KCTD19: variants seen among roughly 807,000 people sequenced by gnomAD.
KCTD19 encodes BTB/POZ domain-containing protein KCTD19.
KCTD19 carries 67 observed loss-of-function variants against 103.5 expected under a neutral mutation model. That is an observed-to-expected ratio of 0.65 (90% CI 0.53 to 0.79). The LOEUF is 0.79. KCTD19 is among the 30% of genes least tolerant of loss of function. KCTD19 has a pLI of 0.00. For missense variants in KCTD19, 980 were observed against 1,136.1 expected, an observed-to-expected ratio of 0.86 and a Z score of 1.98; for synonymous variants, 439 against 452.2, an observed-to-expected ratio of 0.97 and a Z score of 0.37.
intron 10 of KCTD19, 75 bp downstream of exon 10, chr16:67,294,898 G>T: frequency 8.2e-7 from 1 of 1,226,634 alleles, no homozygotes. Flanking sequence ...TCTAGGAGTA[G>T]GACTTAGGAC....
chr16:67,310,971 C>T (rs987939130), intron 2 of KCTD19, among the ~76,000 whole-genome samples: 4 of 152,188 alleles, frequency 2.6e-5, no homozygotes, highest in African/African-American at 2.4e-5. Context: ...ACGCAGCTTT[C>T]GGCATTTAAA....
At chr16:67,326,492 C>A in intron 1 of KCTD19, 1 of 568,826 alleles carries the variant, frequency 1.8e-6, no homozygotes, top group Non-Finnish European at 2.9e-6. Flanking sequence ...GAGTCCCCCA[C>A]ATCCTCAGAG....
chr16:67,308,313 C>T (rs779360916), intron 2 of KCTD19, among the ~76,000 whole-genome samples: 18 of 151,776 alleles, frequency 1.2e-4, no homozygotes, highest in African/African-American at 1.7e-4. Flanking sequence ...CACAGCTGTG[C>T]GCCGCAACAC....
intron 11 of KCTD19, 35 bp from the exon 12 acceptor site, chr16:67,294,206 T>A (rs1047238711): frequency 6.3e-7 from 1 of 1,576,734 alleles, no homozygotes; most frequent in South Asian, 1.1e-5. Flanking sequence ...TCTGGATAGG[T>A]TGGGCATGGA....
At chr16:67,299,752 C>G (rs191600780) in intron 5 of KCTD19, 179 bp from the exon 6 acceptor site, 2 of 592,886 alleles carry the variant, frequency 3.4e-6, no homozygotes. Context: ...TTTGTATACT[C>G]AGGCTTAGAA....
intron 1 of KCTD19, among the ~76,000 whole-genome samples, chr16:67,322,830 T>C (rs1340029212): frequency 6.6e-6 from 1 of 152,186 alleles, no homozygotes; most frequent in Non-Finnish European, 1.5e-5. Flanking sequence ...GAACTTGTTT[T>C]TAGAATATAT....
Position 67,295,320 on chromosome 16 carries a change from A to G in KCTD19, c.1334T>C (p.Phe445Ser), listed in dbSNP as rs1204758777. The G allele has an allele frequency of 1.2e-6, 2 of 1,614,082 alleles. No individual in the cohort carries two copies. The highest frequency in any genetic ancestry group is 1.3e-5 in the African/African-American group (1 of 74,924). Residue 445 changes from phenylalanine (F) to serine (S), a missense_variant, in exon 9 of 16, where the codon TTC (phenylalanine) becomes TCC (serine). Phe to Ser is a radical substitution (Grantham distance 155). Coordinates refer to ENST00000304372, the MANE Select transcript of KCTD19 (RefSeq NM_001100915.3). ...TLLIHGDGQM[F>S]RHILNFLRLG... ...TCTCAGGAAGTTGAGAATGTGTCGGAACATCTGGCCATCCCCGTGGATGAG... is the reference window on the plus strand; with the variant it reads ...TCTCAGGAAGTTGAGAATGTGTCGGGACATCTGGCCATCCCCGTGGATGAG...
chr16:67,302,873 C>T, intron 4 of KCTD19: 2 of 445,814 alleles, frequency 4.5e-6, no homozygotes, highest in Non-Finnish European at 8.0e-6. Flanking sequence ...TTCACACCAA[C>T]TCCTGTGGTC....
chr16:67,318,038 T>G (rs2037031105), intron 2 of KCTD19, among the ~76,000 whole-genome samples: 2 of 152,226 alleles, frequency 1.3e-5, no homozygotes, highest in African/African-American at 4.8e-5. Context: ...TGACTGTTGG[T>G]TCCCAGCTGT....
intron 9 of KCTD19, 27 bp downstream of exon 9, chr16:67,295,236 A>C: frequency 6.2e-7 from 1 of 1,611,848 alleles, no homozygotes; most frequent in Non-Finnish European, 8.5e-7. Flanking sequence ...TCGTGATTTC[A>C]TCTTACTGCG....
At chr16:67,325,199 C>CTTTTT (rs918808425) in intron 1 of KCTD19, among the ~76,000 whole-genome samples, 17 of 132,356 alleles carry the variant, frequency 1.3e-4, no homozygotes, top group South Asian at 4.6e-4. Context: ...TTCTTTTTTT[C>CTTTTT]TTTTTTTCTT....
At chr16:67,294,946 CAT>C (rs775860778) in intron 10 of KCTD19, 25 bp downstream of exon 10, 52 of 1,551,660 alleles carry the variant, frequency 3.4e-5, no homozygotes, top group Middle Eastern at 3.4e-4. Flanking sequence ...AAATTCTAAA[CAT>C]AGAGTCGTGA....
chr16:67,304,821 G>A (rs1194126598), intron 2 of KCTD19, among the ~76,000 whole-genome samples: 1 of 151,900 alleles, frequency 6.6e-6, no homozygotes, highest in Non-Finnish European at 1.5e-5. Context: ...CTGCCACCAC[G>A]CCTGGCTAAT....
At chr16:67,309,078 G>A (rs1308860007) in intron 2 of KCTD19, among the ~76,000 whole-genome samples, 4 of 147,308 alleles carry the variant, frequency 2.7e-5, no homozygotes, top group South Asian at 4.2e-4. Context: ...TCAGTAAGCC[G>A]AGATCATGCC....
chr16:67,290,378 CTG>C (rs892847393), intron 15 of KCTD19, among the ~76,000 whole-genome samples: 4 of 152,044 alleles, frequency 2.6e-5, no homozygotes, highest in African/African-American at 9.7e-5. Flanking sequence ...CGGGGTTTCA[CTG>C]TGTTAGCCAG....
chr16:67,297,047 T>C (rs1264850948), intron 7 of KCTD19, among the ~76,000 whole-genome samples: 1 of 152,240 alleles, frequency 6.6e-6, no homozygotes, highest in Non-Finnish European at 1.5e-5. Flanking sequence ...AATAAGAAGT[T>C]ATAGGCAGCT....
In KCTD19 at chr16:67,303,544, A is replaced by AT. The variant is rs11341413; in HGVS notation, c.452-208dup. On this transcript the variant is annotated intron_variant, in intron 3 of 15. Transcript: ENST00000304372. The surrounding 1 kb of genome is among the most constrained non-coding windows in gnomAD (Gnocchi z 4.3). ...GGTAGGGAGTGGGGCATGGAAGTCT[A>AT]TTTTTTTTTCTTTTCTTTTTTGAGA... 2.7e-5 allele frequency among the ~76,000 whole-genome samples: 4 copies of AT among 150,790 alleles called. No individual in the cohort carries two copies. Among genetic ancestry groups the AT allele is most frequent in the Middle Eastern group, 3.4e-3 (1 of 294 alleles).
At position 67,289,508 on chromosome 16, in the gene KCTD19, C is replaced by G; in HGVS notation, c.*61G>C. On this transcript the variant is annotated 3_prime_UTR_variant, in exon 16 of 16. Transcript: ENST00000304372. ...CTCTGATGGGCACATGCATTCTGGG[C>G]TATCTCCAATTAAAATGAGACTTGG... is the stretch of plus-strand genomic sequence containing the variant. 1 of 966,540 alleles carries G rather than the reference C, an allele frequency of 1.0e-6. No homozygotes were observed. The highest frequency in any genetic ancestry group is 1.7e-6 in the Non-Finnish European group (1 of 594,314). The allele number at this position is 966,540 out of a possible 1,614,324, so 59.9% of individuals were successfully genotyped here. A position where few individuals can be genotyped will look rare whatever the true frequency, so the allele number is the denominator to read the frequency against.
At position 67,294,671 on chromosome 16, in the gene KCTD19, G is replaced by T; in HGVS notation, c.1499C>A (p.Ser500Tyr). 1 of 1,614,082 alleles carries T rather than the reference G, an allele frequency of 6.2e-7. No individual in the cohort carries two copies. Among genetic ancestry groups the T allele is most frequent in the Admixed American group, 1.7e-5 (1 of 60,032 alleles). The change falls in exon 11 of 16, where the codon TCT (serine) becomes TAT (tyrosine). Residue 500 changes from serine (S) to tyrosine (Y), a missense_variant. Ser to Tyr is a moderately radical substitution (Grantham distance 144). Transcript: ENST00000304372. ...GATGGAAAAAGCTTCTTCATTTTCA[G>T]ATTCTTTCTCCTGAGTCCATGACCT... ...AYKSWTQEKE[S>Y]ENEEAFSIRR...
Sources: allele counts gnomAD v4.1 joint callset (sites outside exome capture counted in the v4.1 genomes callset), GRCh38; gene constraint gnomAD v4.1.1; non-coding constraint Gnocchi (gnomAD v3.1); transcripts MANE v1.5; gene names NCBI Gene and HGNC (gene_info 2026-07-23, HGNC 2026-07-21).